The following TAF2 variants were observed in gnomAD, a reference collection of about 807,000 sequenced individuals.
The protein encoded by TAF2 is transcription initiation factor TFIID subunit 2.
In TAF2, 61 loss-of-function variants were observed where a neutral mutation model predicts 138.5. The observed-to-expected ratio is 0.44, with a 90% confidence interval of 0.36 to 0.54. TAF2 has a LOEUF of 0.54. Among genes scored for constraint, TAF2 ranks in the 20% least tolerant of loss-of-function variants. The pLI is 0.00. For synonymous variants in TAF2, 475 were observed against 469.9 expected (o/e 1.01, Z -0.14); for missense variants, 1,090 against 1,427.9 (o/e 0.76, Z 3.81).
intron 2 of TAF2, among the ~76,000 whole-genome samples, chr8:119,823,975 T>C (rs1329051369): frequency 1.3e-5 from 2 of 152,198 alleles, no homozygotes; most frequent in African/African-American, 4.8e-5. Flanking sequence ...TAGAGATTTG[T>C]GGAACTTTGA....
intron 16 of TAF2, among the ~76,000 whole-genome samples, chr8:119,782,553 C>T (rs1822741023): frequency 6.6e-6 from 1 of 152,058 alleles, no homozygotes; most frequent in Non-Finnish European, 1.5e-5. Context: ...AAATATAGGA[C>T]ATATGGATTT....
At chr8:119,780,989 G>A in intron 17 of TAF2, 64 bp downstream of exon 17, 1 of 1,105,686 alleles carries the variant, frequency 9.0e-7, no homozygotes, top group Non-Finnish European at 1.3e-6. Context: ...TCTATTATTT[G>A]AACAGTCTCC....
At chr8:119,815,489 T>C (rs1825397093) in intron 3 of TAF2, among the ~76,000 whole-genome samples, 1 of 151,936 alleles carries the variant, frequency 6.6e-6, no homozygotes, top group Admixed American at 6.6e-5. Context: ...TTAGCCAGGA[T>C]GGTCTCGATC....
Position 119,758,101 on chromosome 8 carries a change from T to G in TAF2, c.2740A>C (p.Ile914Leu), listed in dbSNP as rs1271208419. ...ACATAGGGTACAGGGTCATTCTGAATCATATTAAGTAGCCATTGCAGTTCT... is the reference window on the plus strand; with the variant it reads ...ACATAGGGTACAGGGTCATTCTGAAGCATATTAAGTAGCCATTGCAGTTCT... ...YEELQWLLNM[I>L]QNDPVPYVRH... Residue 914 changes from isoleucine (I) to leucine (L), a missense_variant, in exon 21 of 26, where the codon ATT (isoleucine) becomes CTT (leucine). Coordinates refer to ENST00000378164, the MANE Select transcript of TAF2 (RefSeq NM_003184.4). 1.2e-6 allele frequency: 2 copies of G among 1,613,402 alleles called. No individual in the cohort carries two copies. The highest frequency in any genetic ancestry group is 1.7e-6 in the Non-Finnish European group (2 of 1,179,702).
rs115340075 is a variant in TAF2, at chr8:119,734,096, C to T, written c.3338-1910G>A. The stretch of plus-strand genomic sequence containing the variant: ...TAAAATGCACAAGACACCCCTATAC[C>T]CCCAACAACGAATTATGCCTAAAAT... On this transcript the variant is annotated intron_variant, in intron 25 of 25. Transcript: ENST00000378164. 7.5e-3 allele frequency among the ~76,000 whole-genome samples: 1,140 copies of T among 152,140 alleles called. 17 individuals carry two copies. The highest frequency in any genetic ancestry group is 0.026 in the African/African-American group (1,080 of 41,512).
chr8:119,756,212 C>T, intron 21 of TAF2, 97 bp from the exon 22 acceptor site: 1 of 798,118 alleles, frequency 1.3e-6, no homozygotes, highest in Non-Finnish European at 2.1e-6. Flanking sequence ...TCTGTAGTTC[C>T]TCCTTCCTAT....
chr8:119,759,522 T>C (rs1444606761), intron 20 of TAF2, among the ~76,000 whole-genome samples: 1 of 152,162 alleles, frequency 6.6e-6, no homozygotes, highest in Non-Finnish European at 1.5e-5. Context: ...TCTGGAATTT[T>C]AGACTTAGAT....
At position 119,791,387 on chromosome 8, in the gene TAF2, C is replaced by T; in HGVS notation, c.1350G>A (p.Gln450=). ...TLSWEYYSMF[Q]CKAHLVMRLI... is the part of the protein sequence containing the mutation. ...ATCTCATCACAAGGTGGGCTTTACA[C>T]TGAAACATACTGTAGTATTCCCAGG... Residue 450 remains glutamine (Q), a synonymous_variant, in exon 11 of 26, where the codon CAG becomes CAA. Coordinates refer to ENST00000378164, the MANE Select transcript of TAF2 (RefSeq NM_003184.4). 6.2e-7 allele frequency: 1 copy of T among 1,613,716 alleles called. No individual in the cohort carries two copies. Among genetic ancestry groups the T allele is most frequent in the South Asian group, 1.1e-5 (1 of 91,076 alleles).
At chr8:119,740,732 T>G (rs529637100) in intron 25 of TAF2, among the ~76,000 whole-genome samples, 1 of 150,692 alleles carries the variant, frequency 6.6e-6, no homozygotes, top group South Asian at 2.1e-4. Context: ...AAAACTGCAT[T>G]CAAAATTCCA....
At chr8:119,740,451 T>C (rs1417535975) in intron 25 of TAF2, among the ~76,000 whole-genome samples, 2 of 146,044 alleles carry the variant, frequency 1.4e-5, no homozygotes, top group Non-Finnish European at 3.0e-5. Context: ...GCCAGGAGTT[T>C]GAGATGAGCC....
At chr8:119,799,469 G>A (rs1057111624) in intron 6 of TAF2, among the ~76,000 whole-genome samples, 6 of 152,196 alleles carry the variant, frequency 3.9e-5, no homozygotes, top group Admixed American at 1.3e-4. Context: ...CCATGTCCCT[G>A]CAAAGGACAT....
At chr8:119,745,838 T>TGA (rs1491341632) in intron 23 of TAF2, among the ~76,000 whole-genome samples, 5 of 140,664 alleles carry the variant, frequency 3.6e-5, no homozygotes, top group East Asian at 2.0e-4. Context: ...TGTGTGTGTG[T>TGA]GATATAAAAT....
At chr8:119,737,635 A>C (rs546693044) in intron 25 of TAF2, among the ~76,000 whole-genome samples, 20 of 151,164 alleles carry the variant, frequency 1.3e-4, no homozygotes, top group Non-Finnish European at 2.2e-4. Flanking sequence ...CAGCCTCCCG[A>C]GTAGCTAGGA....
intron 25 of TAF2, among the ~76,000 whole-genome samples, chr8:119,738,103 T>C (rs1819351870): frequency 6.6e-6 from 1 of 151,708 alleles, no homozygotes; most frequent in Admixed American, 6.6e-5. Flanking sequence ...TACAGTTGTA[T>C]ATATATAGTA....
intron 2 of TAF2, among the ~76,000 whole-genome samples, chr8:119,828,225 G>A (rs1826222798): frequency 6.6e-6 from 1 of 152,134 alleles, no homozygotes; most frequent in Non-Finnish European, 1.5e-5. Flanking sequence ...GGTTCAGCAT[G>A]TTGAGAGGTC....
In TAF2 at chr8:119,827,404, T is replaced by G. The variant is rs1004828683; in HGVS notation, c.138+4273A>C. Among the ~76,000 whole-genome samples, 4 of 152,320 alleles carry G rather than the reference T, an allele frequency of 2.6e-5. No individual in the cohort carries two copies. The South Asian group carries it at 6.2e-4, about 24-fold the overall frequency. On this transcript the variant is annotated intron_variant, in intron 2 of 25. Transcript: ENST00000378164. ...CATGTAGCCAACTACCCACTATTCA[T>G]CTCAATTTAATAACCCCAAAGTGCA... is the stretch of plus-strand genomic sequence containing the variant.
At chr8:119,760,035 C>A (rs1820955649) in intron 20 of TAF2, among the ~76,000 whole-genome samples, 1 of 151,986 alleles carries the variant, frequency 6.6e-6, no homozygotes, top group African/African-American at 2.4e-5. Flanking sequence ...TTACGCCCCC[C>A]CAGAGTATTC....
At chr8:119,775,200 A>T (rs143522463) in intron 18 of TAF2, among the ~76,000 whole-genome samples, 1 of 147,994 alleles carries the variant, frequency 6.8e-6, no homozygotes, top group Non-Finnish European at 1.5e-5. Context: ...AGAATCGCTT[A>T]AACCCGGGAG....
At chr8:119,757,968 C>T in intron 21 of TAF2, 105 bp downstream of exon 21, 2 of 921,248 alleles carry the variant, frequency 2.2e-6, no homozygotes, top group Non-Finnish European at 1.8e-6. Flanking sequence ...AAAGATATTC[C>T]CATATTTTCA....
Sources: gnomAD v4.1 joint callset for allele counts (sites outside exome capture counted in the v4.1 genomes callset) on GRCh38, gnomAD v4.1.1 for gene constraint, MANE v1.5 for transcripts, NCBI Gene and HGNC (gene_info 2026-07-23, HGNC 2026-07-21) for gene names.